Variants in MEIKIN observed in about 807,000 individuals in gnomAD.
The protein encoded by MEIKIN is meiotic kinetochore factor.
intron 8 of MEIKIN, among the ~76,000 whole-genome samples, chr5:131,907,957 A>G (rs186187259): frequency 6.6e-6 from 1 of 152,292 alleles, no homozygotes; most frequent in Non-Finnish European, 1.5e-5. Flanking sequence ...CTCCTGGTAA[A>G]GAAAATTCCA....
intron 11 of MEIKIN, among the ~76,000 whole-genome samples, chr5:131,823,959 T>C (rs574456193): frequency 2.0e-5 from 3 of 152,294 alleles, no homozygotes; most frequent in African/African-American, 7.2e-5. Flanking sequence ...GGAAAAATTA[T>C]CTGGATTCCT....
At chr5:131,934,954 C>G (rs943114432) in intron 4 of MEIKIN, among the ~76,000 whole-genome samples, 13 of 151,850 alleles carry the variant, frequency 8.6e-5, no homozygotes, top group Non-Finnish European at 1.5e-4. Context: ...TACCTGGGAA[C>G]CTGAGGCAGG....
At chr5:131,850,509 A>G (rs569977995) in intron 11 of MEIKIN, among the ~76,000 whole-genome samples, 2 of 152,356 alleles carry the variant, frequency 1.3e-5, no homozygotes, top group African/African-American at 4.8e-5. Context: ...TAGAGAACTC[A>G]GGAATAAACC....
rs191250702 is a variant in MEIKIN at position 131,902,399 on chromosome 5, C to T, written c.703+9416G>A. ...GGTAAGCCAAGATGGTGTCACTGCA[C>T]TCTAGCCTGGGTGACAGAGTGAGAT... On this transcript the variant is annotated intron_variant, in intron 8 of 12. Coordinates refer to ENST00000442687, the MANE Select transcript of MEIKIN (RefSeq NM_001303622.2). 3.6e-4 allele frequency among the ~76,000 whole-genome samples: 55 copies of T among 152,070 alleles called. 1 individual carries two copies. The highest frequency in any genetic ancestry group is 2.2e-3 in the Admixed American group (34 of 15,278).
At chr5:131,836,665 T>C in intron 11 of MEIKIN, among the ~76,000 whole-genome samples, 1 of 152,210 alleles carries the variant, frequency 6.6e-6, no homozygotes, top group East Asian at 1.9e-4. Flanking sequence ...TGAGCTTTTT[T>C]TTTATACACT....
At chr5:131,922,200 AC>A (rs754565401) in intron 5 of MEIKIN, among the ~76,000 whole-genome samples, 3 of 152,198 alleles carry the variant, frequency 2.0e-5, no homozygotes, top group Non-Finnish European at 4.4e-5. Context: ...CAGGTAGCAC[AC>A]ATGTGAGCTG....
chr5:131,871,624 CCTGT>C (rs1750501762), intron 9 of MEIKIN, among the ~76,000 whole-genome samples: 1 of 152,188 alleles, frequency 6.6e-6, no homozygotes, highest in Non-Finnish European at 1.5e-5. Flanking sequence ...CTTAAATGTC[CCTGT>C]CTGACAGCTT....
chr5:131,819,966 G>A (rs541448250), intron 11 of MEIKIN, among the ~76,000 whole-genome samples: 1 of 147,460 alleles, frequency 6.8e-6, no homozygotes, highest in East Asian at 2.0e-4. Flanking sequence ...TAGTAGAGAC[G>A]GGGTTTCACC....
intron 6 of MEIKIN, among the ~76,000 whole-genome samples, chr5:131,918,510 T>C (rs1751450638): frequency 6.6e-6 from 1 of 152,170 alleles, no homozygotes; most frequent in South Asian, 2.1e-4. Flanking sequence ...GCTATCAACT[T>C]TCCAATAAAG....
chr5:131,931,022 T>C (rs1474589357), intron 5 of MEIKIN, among the ~76,000 whole-genome samples: 2 of 152,162 alleles, frequency 1.3e-5, no homozygotes, highest in Admixed American at 6.5e-5. Flanking sequence ...TTTCCCTGCT[T>C]CTTAATTTTC....
At chr5:131,863,557 CTTTTTT>C (rs59435888) in intron 9 of MEIKIN, among the ~76,000 whole-genome samples, 3 of 68,434 alleles carry the variant, frequency 4.4e-5, no homozygotes, top group South Asian at 6.1e-4. Flanking sequence ...CTTCTTTGTC[CTTTTTT>C]TTTTTTTTTT....
At chr5:131,818,190 G>C (rs1773136554) in intron 12 of MEIKIN, among the ~76,000 whole-genome samples, 1 of 152,130 alleles carries the variant, frequency 6.6e-6, no homozygotes, top group Non-Finnish European at 1.5e-5. Context: ...GCCTTTCACA[G>C]AGGAAGTACT....
At chr5:131,838,410 A>G in intron 11 of MEIKIN, among the ~76,000 whole-genome samples, 1 of 152,078 alleles carries the variant, frequency 6.6e-6, no homozygotes, top group East Asian at 1.9e-4. Flanking sequence ...ATTTTTTTTA[A>G]TAGTTTAAAT....
At chr5:131,909,562 A>G (rs1041713510) in intron 8 of MEIKIN, among the ~76,000 whole-genome samples, 6 of 152,188 alleles carry the variant, frequency 3.9e-5, no homozygotes, top group African/African-American at 1.4e-4. Context: ...AAAATTACAA[A>G]TGAGATCACA....
intron 9 of MEIKIN, among the ~76,000 whole-genome samples, chr5:131,870,842 C>G (rs1410195352): frequency 6.6e-6 from 1 of 152,162 alleles, no homozygotes; most frequent in Non-Finnish European, 1.5e-5. Context: ...TAATGGGTCT[C>G]CCTATTCACC....
At chr5:131,908,305 A>G (rs1751277808) in intron 8 of MEIKIN, among the ~76,000 whole-genome samples, 1 of 152,228 alleles carries the variant, frequency 6.6e-6, no homozygotes, top group Admixed American at 6.5e-5. Context: ...ATGATACATC[A>G]TATCAACAGA....
chr5:131,892,123 AC>A (rs1318085527), intron 8 of MEIKIN, among the ~76,000 whole-genome samples: 1 of 152,098 alleles, frequency 6.6e-6, no homozygotes, highest in Non-Finnish European at 1.5e-5. Flanking sequence ...GGGTAACCCA[AC>A]CTTTCTCTCT....
In MEIKIN at chr5:131,878,600, T is replaced by A. The variant is rs374717744; in HGVS notation, c.774+378A>T. 8.5e-5 allele frequency among the ~76,000 whole-genome samples: 13 copies of A among 152,158 alleles called. No individual in the cohort carries two copies. In the East Asian group the frequency reaches 1.2e-3, roughly 14 times the overall value. On this transcript the variant is annotated intron_variant, in intron 9 of 12. Transcript: ENST00000442687. ...AAGTATTGGTTAAGGCTGGGTACAGTGGCTCATGCCTGTAATTCCAGGACT... is the reference window on the plus strand; with the variant it reads ...AAGTATTGGTTAAGGCTGGGTACAGAGGCTCATGCCTGTAATTCCAGGACT...
chr5:131,842,481 C>G (rs1015476687), intron 11 of MEIKIN, among the ~76,000 whole-genome samples: 4 of 151,966 alleles, frequency 2.6e-5, no homozygotes, highest in African/African-American at 9.7e-5. Context: ...CCATCTATAC[C>G]TAATTTGTTG....
Sources: allele counts gnomAD v4.1 joint callset (sites outside exome capture counted in the v4.1 genomes callset), GRCh38; gene constraint gnomAD v4.1.1; transcripts MANE v1.5; gene names NCBI Gene and HGNC (gene_info 2026-07-23, HGNC 2026-07-21).